Variants in TANC1 observed in about 807,000 individuals in gnomAD.
TANC1 encodes protein TANC1.
TANC1 carries 77 observed loss-of-function variants against 149.7 expected under a neutral mutation model. That is an observed-to-expected ratio of 0.51 (90% confidence interval 0.43 to 0.62). TANC1 has a LOEUF of 0.62. TANC1 is among the 20% of genes least tolerant of loss of function. TANC1 has a pLI of 0.00. For missense variants in TANC1, 1,985 were observed against 2,321.8 expected (o/e 0.85, Z 2.98); for synonymous variants, 854 against 925.0 (o/e 0.92, Z 1.39).
intron 3 of TANC1, among the ~76,000 whole-genome samples, chr2:159,077,244 G>C (rs1005820560): frequency 2.0e-5 from 3 of 152,148 alleles, no homozygotes; most frequent in Non-Finnish European, 2.9e-5. Context: ...TTTTGTAGAG[G>C]TGGGGTCTCA....
intron 1 of TANC1, among the ~76,000 whole-genome samples, chr2:158,995,751 A>G (rs554574074): frequency 2.0e-4 from 31 of 152,226 alleles, no homozygotes; most frequent in African/African-American, 7.5e-4. Flanking sequence ...ACAGCTCTCA[A>G]TTCCACCCTT....
chr2:159,059,666 A>G (rs1368773589), intron 2 of TANC1, among the ~76,000 whole-genome samples: 1 of 152,028 alleles, frequency 6.6e-6, no homozygotes, highest in Non-Finnish European at 1.5e-5. Context: ...TTCCAGTCAT[A>G]TTGGCAAGGT....
chr2:159,216,358 C>T (rs146055068), intron 19 of TANC1, among the ~76,000 whole-genome samples: 20 of 152,288 alleles, frequency 1.3e-4, no homozygotes, highest in Non-Finnish European at 2.4e-4. Context: ...ATCCCAGGCA[C>T]GTGCTGGGAA....
At chr2:159,065,812 CAA>C (rs1428061132) in intron 2 of TANC1, 82 bp from the exon 3 acceptor site, 1 of 1,114,578 alleles carries the variant, frequency 9.0e-7, no homozygotes, top group Non-Finnish European at 1.4e-6. Context: ...TGTTTGAACA[CAA>C]GTTACCTCTT....
intron 4 of TANC1, among the ~76,000 whole-genome samples, chr2:159,131,526 C>T (rs2050103208): frequency 6.9e-6 from 1 of 145,648 alleles, no homozygotes; most frequent in African/African-American, 2.5e-5. Flanking sequence ...CGCCCCTTCC[C>T]CTGCCCCCAC....
chr2:159,172,011 G>A, intron 10 of TANC1, 110 bp from the exon 11 acceptor site: 1 of 1,111,818 alleles, frequency 9.0e-7, no homozygotes, highest in African/African-American at 1.5e-5. Flanking sequence ...TTTGGACCAT[G>A]TTCACTCCTT....
intron 6 of TANC1, 46 bp downstream of exon 6, chr2:159,149,318 G>A (rs1427644078): frequency 6.2e-7 from 1 of 1,613,020 alleles, no homozygotes; most frequent in Non-Finnish European, 8.5e-7. Context: ...TTCAGAGGAT[G>A]AACGAAGCAA....
At chr2:159,095,670 A>T (rs549721698) in intron 3 of TANC1, among the ~76,000 whole-genome samples, 1 of 146,594 alleles carries the variant, frequency 6.8e-6, no homozygotes, top group Non-Finnish European at 1.5e-5. Context: ...CAGGAGGTGG[A>T]CGTTGCAGTG....
intron 24 of TANC1, chr2:159,226,341 C>G (rs1445364546): frequency 6.3e-6 from 1 of 158,056 alleles, no homozygotes; most frequent in African/African-American, 2.4e-5. Flanking sequence ...TGTCTGAAGC[C>G]ATGGCGTGAA....
intron 22 of TANC1, among the ~76,000 whole-genome samples, chr2:159,220,975 G>T (rs2059672506): frequency 6.6e-6 from 1 of 152,182 alleles, no homozygotes; most frequent in South Asian, 2.1e-4. Context: ...ATCAAATCAG[G>T]CTAATTCATG....
intron 2 of TANC1, among the ~76,000 whole-genome samples, chr2:159,035,999 C>A (rs558835436): frequency 7.2e-5 from 11 of 152,116 alleles, no homozygotes; most frequent in Non-Finnish European, 1.6e-4. Context: ...TGAGAGTGGG[C>A]GTGCTGTGGG....
intron 5 of TANC1, among the ~76,000 whole-genome samples, chr2:159,138,586 T>G (rs952344001): frequency 6.6e-5 from 10 of 152,230 alleles, no homozygotes; most frequent in South Asian, 2.1e-4. Context: ...TGTGTACAGA[T>G]ACATGATGGG....
chr2:159,181,597 C>G (rs1273292036), intron 14 of TANC1, among the ~76,000 whole-genome samples: 1 of 152,192 alleles, frequency 6.6e-6, no homozygotes, highest in Non-Finnish European at 1.5e-5. Flanking sequence ...GCGCCCGGCC[C>G]CCTCGTTAGA....
At chr2:159,198,108 C>T (rs1293244986) in intron 18 of TANC1, among the ~76,000 whole-genome samples, 5 of 152,152 alleles carry the variant, frequency 3.3e-5, no homozygotes, top group Admixed American at 6.5e-5. Flanking sequence ...TAGCCTCTGT[C>T]GTCTCATTTC....
At chr2:159,064,986 G>T (rs1289801480) in intron 2 of TANC1, among the ~76,000 whole-genome samples, 1 of 151,616 alleles carries the variant, frequency 6.6e-6, no homozygotes, top group Non-Finnish European at 1.5e-5. Context: ...ACTTCCCTTA[G>T]TGCATTAATA....
chr2:159,117,739 A>G (rs1201486200), intron 4 of TANC1, among the ~76,000 whole-genome samples: 3 of 93,866 alleles, frequency 3.2e-5, no homozygotes, highest in Non-Finnish European at 5.9e-5. Context: ...TTTAAAGCTT[A>G]TTCCCAATGT....
chr2:159,134,721 T>C (rs2050478427), intron 4 of TANC1, among the ~76,000 whole-genome samples: 1 of 151,778 alleles, frequency 6.6e-6, no homozygotes, highest in South Asian at 2.1e-4. Context: ...CCTGACCTCA[T>C]GATCCACCCG....
intron 19 of TANC1, 64 bp from the exon 20 acceptor site, chr2:159,217,433 A>C: frequency 6.2e-7 from 1 of 1,601,700 alleles, no homozygotes; most frequent in Non-Finnish European, 8.5e-7. Flanking sequence ...ACTGTTAAAG[A>C]ATTTCTGGCT....
intron 2 of TANC1, among the ~76,000 whole-genome samples, chr2:159,002,411 G>C (rs1304667398): frequency 6.6e-6 from 1 of 152,210 alleles, no homozygotes; most frequent in Non-Finnish European, 1.5e-5. Context: ...AATGCCAAGG[G>C]TGAGGGTAAA....
Sources: gnomAD v4.1 joint callset for allele counts (sites outside exome capture counted in the v4.1 genomes callset) on GRCh38, gnomAD v4.1.1 for gene constraint, MANE v1.5 for transcripts, NCBI Gene and HGNC (gene_info 2026-07-23, HGNC 2026-07-21) for gene names.